The following APC variants were observed in gnomAD, a reference collection of about 807,000 sequenced individuals.
The protein encoded by APC is APC regulator of Wnt signaling pathway.
Under a neutral mutation model 247.0 loss-of-function variants are expected in APC, and 72 were observed. The observed-to-expected ratio is 0.29, with a 90% confidence interval of 0.24 to 0.35. APC has a LOEUF of 0.35. Ranked by LOEUF, APC falls within the 10% of genes least tolerant of loss-of-function variation. The pLI is 1.00. For synonymous variants in APC, 1,254 were observed against 1,162.5 expected, an observed-to-expected ratio of 1.08 and a Z score of -1.60; for missense variants, 3,400 against 3,360.7, an observed-to-expected ratio of 1.01 and a Z score of -0.29.
chr5:112,713,099 A>G (rs1394751605), intron 1 of APC, among the ~76,000 whole-genome samples: 1 of 150,076 alleles, frequency 6.7e-6, no homozygotes, highest in Non-Finnish European at 1.5e-5. Context: ...TGAACCCAGG[A>G]AGTGGAGGTT....
Position 112,843,490 on chromosome 5 carries a change from A to C in APC, c.7896A>C (p.Ser2632=), listed in dbSNP as rs779015041. The C allele has an allele frequency of 6.2e-7, 1 of 1,613,992 alleles. No homozygotes were observed. The highest frequency in any genetic ancestry group is 1.1e-5 in the South Asian group (1 of 91,072). ...PTNSTSQTVS[S]GATNGAESKT... is the part of the protein sequence containing the mutation. ...ATAGTACTTCTCAGACCGTTTCCTC[A>C]GGTGCTACAAATGGTGCTGAATCAA... The change falls in exon 16 of 16, where the codon TCA becomes TCC. Residue 2632 remains serine, a synonymous_variant. Transcript: ENST00000257430. The surrounding 1 kb of genome is among the most constrained non-coding windows in gnomAD (Gnocchi z 4.8).
chr5:112,790,716 A>G (rs1167305174), intron 6 of APC, among the ~76,000 whole-genome samples: 1 of 152,222 alleles, frequency 6.6e-6, no homozygotes, highest in East Asian at 1.9e-4. Flanking sequence ...TAAGAAAAGC[A>G]TGAAGGCATT....
chr5:112,749,600 G>A (rs1754080322), intron 1 of APC, among the ~76,000 whole-genome samples: 1 of 146,068 alleles, frequency 6.8e-6, no homozygotes, highest in Non-Finnish European at 1.5e-5. Context: ...CGATTCACCT[G>A]CCTCAGCCTC....
In APC at chr5:112,840,611, G is replaced by A. The variant is rs587779796; in HGVS notation, c.5017G>A (p.Glu1673Lys). Residue 1673 changes from glutamate (E) to lysine (K), a missense_variant, in exon 16 of 16, where the codon GAA (glutamate) becomes AAA (lysine). Transcript: ENST00000257430. The surrounding 1 kb of genome is among the most constrained non-coding windows in gnomAD (Gnocchi z 4.1). ...CCCTCCAAATGAGTTAGCTGCTGGA[G>A]AAGGAGTTAGAGGAGGGGCACAGTC... is the stretch of plus-strand genomic sequence containing the variant. ...ESPPNELAAG[E>K]GVRGGAQSGE... 1.5e-5 allele frequency: 24 copies of A among 1,613,990 alleles called. No individual in the cohort carries two copies. Among genetic ancestry groups the A allele is most frequent in the Admixed American group, 1.3e-4 (8 of 59,986 alleles).
At chr5:112,807,273 C>T (rs1448681527) in intron 8 of APC, among the ~76,000 whole-genome samples, 1 of 152,036 alleles carries the variant, frequency 6.6e-6, no homozygotes, top group East Asian at 1.9e-4. Context: ...TGACAGTTTA[C>T]TGTGGTAATT....
intron 8 of APC, chr5:112,810,012 G>T: frequency 2.8e-6 from 1 of 362,654 alleles, no homozygotes; most frequent in South Asian, 2.2e-5. Flanking sequence ...AAAAGTAGAA[G>T]AGAGCAATTT....
Position 112,775,125 on chromosome 5 carries a change from G to A in APC, c.423-504G>A, listed in dbSNP as rs78840267. 3.0e-4 allele frequency among the ~76,000 whole-genome samples: 46 copies of A among 152,142 alleles called. No homozygotes were observed. The East Asian group carries it at 7.0e-3, about 23-fold the overall frequency. ...ATTCCAAACTAAGAAGTTTTTCTCC[G>A]TCATAACTTCCTCTTATTTCAAAAT... On this transcript the variant is annotated intron_variant, in intron 4 of 15. Coordinates refer to ENST00000257430, the MANE Select transcript of APC (RefSeq NM_000038.6).
chr5:112,797,610 A>G (rs547331266), intron 7 of APC, among the ~76,000 whole-genome samples: 1 of 152,204 alleles, frequency 6.6e-6, no homozygotes, highest in Non-Finnish European at 1.5e-5. Flanking sequence ...TCTTCCAGAC[A>G]TAGTTTATTT....
intron 1 of APC, among the ~76,000 whole-genome samples, chr5:112,745,041 G>A (rs1170894128): frequency 1.3e-5 from 2 of 152,162 alleles, no homozygotes; most frequent in South Asian, 2.1e-4. Flanking sequence ...GTGAGATATT[G>A]TAAGTACTAA....
chr5:112,839,269 C>G lies in APC; in HGVS notation c.3675C>G (p.Ala1225=), dbSNP rs759214956. The change falls in exon 16 of 16, where the codon GCC becomes GCG. Residue 1225 remains alanine, a synonymous_variant. Transcript: ENST00000257430. This position sits in a 1 kb window ranked among gnomAD's most constrained non-coding sequence, Gnocchi z 5.0. The stretch of plus-strand genomic sequence containing the variant: ...ATACGTCCACACCTTCATCTAATGC[C>G]AAGAGGCAGAATCAGCTCCATCCAA... ...SENTSTPSSN[A]KRQNQLHPSS... The G allele has an allele frequency of 1.2e-6, 2 of 1,613,984 alleles. No homozygotes were observed. The highest frequency in any genetic ancestry group is 1.7e-6 in the Non-Finnish European group (2 of 1,180,026).
chr5:112,762,477 T>C (rs753007979), intron 2 of APC, among the ~76,000 whole-genome samples: 1 of 152,186 alleles, frequency 6.6e-6, no homozygotes, highest in Non-Finnish European at 1.5e-5. Flanking sequence ...AATTGGGCTG[T>C]ATTTATACAG....
In APC at chr5:112,804,791, C is replaced by T. The variant is rs1480913968; in HGVS notation, c.834+3408C>T. 4.6e-5 allele frequency among the ~76,000 whole-genome samples: 7 copies of T among 151,864 alleles called. No homozygotes were observed. In the East Asian group the frequency reaches 5.8e-4, roughly 13 times the overall value. On this transcript the variant is annotated intron_variant, in intron 8 of 15. Transcript: ENST00000257430. Reference sequence around the variant, plus strand: ...GAAGGATTGCTTCAGGGTAGAAGTTCGAGTTCAACCTGGGCAACATAGGGA... The same window carrying T: ...GAAGGATTGCTTCAGGGTAGAAGTTTGAGTTCAACCTGGGCAACATAGGGA...
At chr5:112,818,879 A>G (rs2149777695) in intron 9 of APC, 87 bp from the exon 10 acceptor site, 8 of 1,271,842 alleles carry the variant, frequency 6.3e-6, no homozygotes, top group Non-Finnish European at 8.8e-6. Flanking sequence ...TTAGAGTTAT[A>G]GTAAATATCC....
At chr5:112,728,790 AT>A (rs1751942256) in intron 1 of APC, among the ~76,000 whole-genome samples, 1 of 151,930 alleles carries the variant, frequency 6.6e-6, no homozygotes, top group African/African-American at 2.4e-5. Flanking sequence ...TGTGCATATG[AT>A]TTCTGATTAT....
chr5:112,791,634 G>A (rs539773177), intron 6 of APC, among the ~76,000 whole-genome samples: 22 of 152,218 alleles, frequency 1.4e-4, no homozygotes, highest in African/African-American at 5.3e-4. Flanking sequence ...TTTCTTCCAC[G>A]AAACCAGTCC....
At chr5:112,752,836 ACTT>A (rs547421777) in intron 1 of APC, among the ~76,000 whole-genome samples, 142 of 152,258 alleles carry the variant, frequency 9.3e-4, no homozygotes, top group African/African-American at 3.2e-3. Context: ...AGCAGAAAGA[ACTT>A]TAATGATTGG....
At chr5:112,763,833 C>G (rs893729059) in intron 2 of APC, among the ~76,000 whole-genome samples, 1 of 152,160 alleles carries the variant, frequency 6.6e-6, no homozygotes, top group Admixed American at 6.5e-5. Context: ...CAGCCTCTAC[C>G]CCAGGCTTAC....
At chr5:112,713,915 C>A (rs1276196584) in intron 1 of APC, among the ~76,000 whole-genome samples, 1 of 152,192 alleles carries the variant, frequency 6.6e-6, no homozygotes, top group Admixed American at 6.5e-5. Context: ...ACCTTGGCAT[C>A]CCAAAGTGCT....
intron 14 of APC, 122 bp from the exon 15 acceptor site, chr5:112,834,829 C>A: frequency 1.2e-6 from 1 of 836,578 alleles, no homozygotes. Flanking sequence ...CTTAATTTAC[C>A]AGTGAGGGAC....
Sources: gnomAD v4.1 joint callset for allele counts (sites outside exome capture counted in the v4.1 genomes callset) on GRCh38, gnomAD v4.1.1 for gene constraint, Gnocchi (gnomAD v3.1) non-coding constraint, MANE v1.5 for transcripts, NCBI Gene and HGNC (gene_info 2026-07-23, HGNC 2026-07-21) for gene names.